SEM1: variants seen among roughly 807,000 people sequenced by gnomAD.
The protein encoded by SEM1 is SEM1 26S proteasome subunit.
SEM1 carries 3 observed loss-of-function variants against 12.7 expected under a neutral mutation model. That is an observed-to-expected ratio of 0.24 (90% CI 0.11 to 0.61). The LOEUF is 0.61. Ranked by LOEUF, SEM1 falls within the 20% of genes least tolerant of loss-of-function variation. SEM1 has a pLI of 0.88. For synonymous variants in SEM1, 30 were observed against 27.8 expected (o/e 1.08, Z -0.25); for missense variants, 59 against 81.3 (o/e 0.73, Z 1.06).
At chr7:96,673,963 AC>A (rs1180079959) in intron 2 of SEM1, 2 of 678,094 alleles carry the variant, frequency 2.9e-6, no homozygotes, top group African/African-American at 3.5e-5. Context: ...AAAAATGTAC[AC>A]CCCTTATGCC....
intron 2 of SEM1, among the ~76,000 whole-genome samples, chr7:96,527,981 A>G (rs1044467646): frequency 1.3e-5 from 2 of 152,134 alleles, no homozygotes; most frequent in Non-Finnish European, 2.9e-5. Flanking sequence ...TGTATGGTTC[A>G]TGATATCAGC....
At chr7:96,649,507 C>T (rs986797473) in intron 2 of SEM1, 1 of 152,166 alleles carries the variant, frequency 6.6e-6, no homozygotes, top group Non-Finnish European at 1.5e-5. Context: ...GACAGCTAAT[C>T]TTGACCAACA....
chr7:96,673,898 C>A (rs769270457), intron 2 of SEM1: 2 of 758,416 alleles, frequency 2.6e-6, no homozygotes, highest in East Asian at 2.4e-5. Flanking sequence ...TTTTAAGTAT[C>A]AAGCCACTGT....
chr7:96,660,703 C>CAAT (rs1322948193), intron 2 of SEM1, among the ~76,000 whole-genome samples: 1 of 151,938 alleles, frequency 6.6e-6, no homozygotes, highest in Admixed American at 6.6e-5. Context: ...TTGAACAACA[C>CAAT]AATTCATAAG....
chr7:96,483,378 C>T (rs769169570), exon 4 of SEM1: 21 of 161,816 alleles, frequency 1.3e-4, no homozygotes, highest in Non-Finnish European at 2.0e-4. Flanking sequence ...AACTCTGTTC[C>T]TCATCACAGC....
intron 2 of SEM1, among the ~76,000 whole-genome samples, chr7:96,554,514 A>T (rs1584759033): frequency 1.4e-5 from 2 of 143,346 alleles, no homozygotes; most frequent in Admixed American, 1.4e-4. Flanking sequence ...ATTTGCGTAT[A>T]TTGAACCAGC....
At chr7:96,497,236 T>A (rs181328014), upstream of SEM1, among the ~76,000 whole-genome samples, 583 of 152,102 alleles carry the variant, frequency 3.8e-3, 3 homozygotes, top group African/African-American at 0.013. Flanking sequence ...ATTGCATGGC[T>A]CAGGAAAAAA....
intron 2 of SEM1, among the ~76,000 whole-genome samples, chr7:96,542,895 C>A (rs1214184658): frequency 1.3e-5 from 2 of 151,700 alleles, no homozygotes; most frequent in African/African-American, 4.8e-5. Context: ...GAGAGCAAAA[C>A]AAACAAATAA....
intron 2 of SEM1, among the ~76,000 whole-genome samples, chr7:96,604,400 C>A: frequency 6.6e-6 from 1 of 152,102 alleles, no homozygotes; most frequent in Middle Eastern, 3.2e-3. Context: ...AGGTTGATAA[C>A]CTCTGATGTC....
chr7:96,691,849 C>T (rs1300264727), intron 2 of SEM1, among the ~76,000 whole-genome samples: 1 of 152,230 alleles, frequency 6.6e-6, no homozygotes, highest in East Asian at 1.9e-4. Flanking sequence ...ACAGCAGCTT[C>T]TCAAACATTT....
At chr7:96,524,052 T>A (rs956628645) in intron 2 of SEM1, among the ~76,000 whole-genome samples, 3 of 152,132 alleles carry the variant, frequency 2.0e-5, no homozygotes, top group African/African-American at 7.2e-5. Flanking sequence ...CTGGTTAGCC[T>A]ATTAAACAGG....
At chr7:96,483,890 T>A in exon 4 of SEM1, 2 of 1,536,734 alleles carry the variant, frequency 1.3e-6, no homozygotes, top group Non-Finnish European at 1.7e-6. Context: ...GGCCAGATTG[T>A]AGAGGTCACC....
chr7:96,497,383 C>G (rs1207748998), upstream of SEM1, among the ~76,000 whole-genome samples: 2 of 151,634 alleles, frequency 1.3e-5, no homozygotes, highest in Non-Finnish European at 2.9e-5. Flanking sequence ...AAAGATTGGC[C>G]CAGTGTCAAG....
chr7:96,499,547 G>A (rs1197124482), upstream of SEM1, among the ~76,000 whole-genome samples: 1 of 152,138 alleles, frequency 6.6e-6, no homozygotes, highest in African/African-American at 2.4e-5. Flanking sequence ...TTATTTCAAC[G>A]AGCATTTACT....
intron 2 of SEM1, among the ~76,000 whole-genome samples, chr7:96,551,605 C>T (rs1015493676): frequency 6.7e-6 from 1 of 149,588 alleles, no homozygotes; most frequent in African/African-American, 2.5e-5. Flanking sequence ...TTCAGGAGGC[C>T]GAGGCAAGAG....
chr7:96,536,199 T>G (rs1804781208), intron 2 of SEM1, among the ~76,000 whole-genome samples: 1 of 151,910 alleles, frequency 6.6e-6, no homozygotes, highest in South Asian at 2.1e-4. Flanking sequence ...TATTTAGAAG[T>G]GTGTGACTTA....
At chr7:96,519,024 G>A (rs770170535) in intron 2 of SEM1, among the ~76,000 whole-genome samples, 5 of 152,108 alleles carry the variant, frequency 3.3e-5, no homozygotes, top group Non-Finnish European at 5.9e-5. Flanking sequence ...GGCAATTATT[G>A]TGACAGAAAG....
chr7:96,539,527 AAC>A (rs946044805), intron 2 of SEM1, among the ~76,000 whole-genome samples: 17 of 151,968 alleles, frequency 1.1e-4, no homozygotes, highest in Non-Finnish European at 2.5e-4. Flanking sequence ...GCTAAAAACA[AAC>A]ACAGTATAAA....
intron 2 of SEM1, among the ~76,000 whole-genome samples, chr7:96,595,240 C>T (rs1161083601): frequency 1.3e-5 from 2 of 152,058 alleles, no homozygotes; most frequent in East Asian, 3.9e-4. Context: ...AGGCCGGGCA[C>T]AGGGGCTCAC....
Sources: allele counts gnomAD v4.1 joint callset (sites outside exome capture counted in the v4.1 genomes callset), GRCh38; gene constraint gnomAD v4.1.1; transcripts MANE v1.5; gene names NCBI Gene and HGNC (gene_info 2026-07-23, HGNC 2026-07-21).